The following CYP2C18 variants were observed in gnomAD, a reference collection of about 807,000 sequenced individuals.
The protein encoded by CYP2C18 is cytochrome P450 2C18.
CYP2C18 carries 38 observed loss-of-function variants against 41.3 expected under a neutral mutation model. The observed-to-expected ratio is 0.92, with a 90% CI of 0.71 to 1.21. The LOEUF is 1.21. CYP2C18 is among the 50% of genes most tolerant of loss of function. The pLI is 0.00. For missense variants in CYP2C18, 635 were observed against 591.4 expected, an observed-to-expected ratio of 1.07 and a Z score of -0.77; for synonymous variants, 236 against 210.0, an observed-to-expected ratio of 1.12 and a Z score of -1.07.
intron 5 of CYP2C18, among the ~76,000 whole-genome samples, chr10:94,714,951 G>T (rs1847513073): frequency 6.6e-6 from 1 of 152,236 alleles, no homozygotes; most frequent in South Asian, 2.1e-4. Flanking sequence ...TTGTGAATGG[G>T]AGTTCACTCA....
intron 4 of CYP2C18, among the ~76,000 whole-genome samples, chr10:94,702,323 C>T (rs541375587): frequency 2.6e-5 from 4 of 152,170 alleles, no homozygotes; most frequent in South Asian, 2.1e-4. Flanking sequence ...TATCCTGAAG[C>T]GTGTTTTCCA....
chr10:94,716,735 T>C (rs573678360), intron 5 of CYP2C18, among the ~76,000 whole-genome samples: 2 of 152,314 alleles, frequency 1.3e-5, no homozygotes, highest in African/African-American at 4.8e-5. Flanking sequence ...CTGGATATCC[T>C]TGTTAACTTT....
chr10:94,725,637 C>T (rs1847727410), intron 7 of CYP2C18, among the ~76,000 whole-genome samples: 1 of 151,868 alleles, frequency 6.6e-6, no homozygotes, highest in African/African-American at 2.4e-5. Context: ...GAGAAGGTTG[C>T]CTTCTACTTT....
intron 3 of CYP2C18, among the ~76,000 whole-genome samples, chr10:94,690,519 C>A (rs1185394517): frequency 4.6e-5 from 7 of 152,250 alleles, no homozygotes; most frequent in Non-Finnish European, 7.4e-5. Flanking sequence ...CAATAACAGT[C>A]TCTGAAATTG....
chr10:94,692,596 T>C (rs574330847), intron 3 of CYP2C18, among the ~76,000 whole-genome samples: 49 of 152,266 alleles, frequency 3.2e-4, no homozygotes, highest in Non-Finnish European at 4.6e-4. Flanking sequence ...GTTTAACCAT[T>C]GTGGAAGTCA....
At position 94,687,780 on chromosome 10, in the gene CYP2C18, T is replaced by C. The variant is rs1846916841; in HGVS notation, c.179T>C (p.Val60Ala). The change falls in exon 2 of 9, where the codon GTC becomes GCC. Residue 60 changes from valine to alanine, a missense_variant. By Grantham distance (64) the Val-to-Ala change is moderately conservative. Transcript: ENST00000285979. ...MSKSLTNFSK[V>A]YGPVFTVYFG... is the part of the protein sequence containing the mutation. ...CTTTTCTATGTTTAGTTCTCAAAAGTCTATGGCCCTGTGTTCACTGTGTAT... is the reference window on the plus strand; with the variant it reads ...CTTTTCTATGTTTAGTTCTCAAAAGCCTATGGCCCTGTGTTCACTGTGTAT... The C allele has an allele frequency of 1.2e-6, 2 of 1,612,396 alleles. No homozygotes were observed. The highest frequency in any genetic ancestry group is 1.7e-5 in the Admixed American group (1 of 59,712).
At chr10:94,696,905 T>C (rs939109972) in intron 4 of CYP2C18, among the ~76,000 whole-genome samples, 1 of 151,532 alleles carries the variant, frequency 6.6e-6, no homozygotes, top group Non-Finnish European at 1.5e-5. Context: ...ATTAATGAAA[T>C]GAAGTGAGAA....
chr10:94,697,509 C>G (rs1847140763), intron 4 of CYP2C18, among the ~76,000 whole-genome samples: 1 of 152,166 alleles, frequency 6.6e-6, no homozygotes, highest in Admixed American at 6.5e-5. Flanking sequence ...ACAAACAGTA[C>G]CAGCCACTGC....
At chr10:94,708,039 A>C (rs1374768840) in intron 5 of CYP2C18, among the ~76,000 whole-genome samples, 5 of 152,220 alleles carry the variant, frequency 3.3e-5, no homozygotes, top group African/African-American at 1.2e-4. Flanking sequence ...TCTAGAGAAT[A>C]AAATCTTTCC....
Position 94,683,829 on chromosome 10 carries a change from G to A in CYP2C18, c.10G>A (p.Ala4Thr), listed in dbSNP as rs754065546. 4 of 1,601,682 alleles carry A rather than the reference G, an allele frequency of 2.5e-6. No homozygotes were observed. Among genetic ancestry groups the A allele is most frequent in the Non-Finnish European group, 3.4e-6 (4 of 1,174,770 alleles). The change falls in exon 1 of 9, where the codon GCT (alanine) becomes ACT (threonine). Residue 4 changes from alanine (A) to threonine (T), a missense_variant. Transcript: ENST00000285979. MDP[A>T]VALVLCLSCL... is the part of the protein sequence containing the mutation. Reference sequence around the variant, plus strand: ...AGAAGAGAAGCCTTCAATGGATCCAGCTGTGGCTCTGGTGCTCTGTCTCTC... The same window carrying A: ...AGAAGAGAAGCCTTCAATGGATCCAACTGTGGCTCTGGTGCTCTGTCTCTC...
rs552369977 is a variant in CYP2C18 at position 94,693,019 on chromosome 10, G to A, written c.482-1898G>A. 3.3e-5 allele frequency among the ~76,000 whole-genome samples: 5 copies of A among 152,178 alleles called. No homozygotes were observed. In the South Asian group the frequency reaches 8.3e-4, roughly 25 times the overall value. ...CACACACCAGGGCCTGTTGTGGGGT[G>A]GGGGAAGGGGGGAGGGATAGCATTA... On this transcript the variant is annotated intron_variant, in intron 3 of 8. Coordinates refer to ENST00000285979, the MANE Select transcript of CYP2C18 (RefSeq NM_000772.3).
chr10:94,684,151 G>T (rs56194519), intron 1 of CYP2C18, among the ~76,000 whole-genome samples, 164 bp downstream of exon 1: 1,851 of 152,192 alleles, frequency 0.012, 54 homozygotes, highest in African/African-American at 0.043. Flanking sequence ...TCATATCAGG[G>T]TAATTAGCAT....
At chr10:94,734,387 C>A (rs1392356675) in intron 8 of CYP2C18, among the ~76,000 whole-genome samples, 1 of 152,052 alleles carries the variant, frequency 6.6e-6, no homozygotes, top group East Asian at 1.9e-4. Context: ...AGAACTAAGG[C>A]CTTCTTTTAA....
intron 5 of CYP2C18, among the ~76,000 whole-genome samples, chr10:94,715,984 G>A (rs1452925293): frequency 2.6e-5 from 4 of 152,156 alleles, no homozygotes; most frequent in African/African-American, 9.7e-5. Flanking sequence ...GGTGTTTATA[G>A]TATGCTCTGA....
chr10:94,734,473 A>G (rs983150690), intron 8 of CYP2C18, among the ~76,000 whole-genome samples: 8 of 152,186 alleles, frequency 5.3e-5, no homozygotes, highest in African/African-American at 1.9e-4. Flanking sequence ...CTCCAGTGGA[A>G]GCATGAATAT....
chr10:94,693,275 A>C (rs1056381708), intron 3 of CYP2C18, among the ~76,000 whole-genome samples: 6 of 152,092 alleles, frequency 3.9e-5, no homozygotes, highest in African/African-American at 1.4e-4. Context: ...TACTGTCCTC[A>C]TGATAGCAAG....
chr10:94,689,782 G>A, intron 3 of CYP2C18, among the ~76,000 whole-genome samples: 1 of 152,034 alleles, frequency 6.6e-6, no homozygotes, highest in East Asian at 1.9e-4. Flanking sequence ...TTTGGGGTTG[G>A]TTGAATCCAT....
In CYP2C18 at chr10:94,733,370, A is replaced by G. The variant is rs779399158; in HGVS notation, c.1223A>G (p.Asp408Gly). 3.1e-6 allele frequency: 5 copies of G among 1,613,424 alleles called. No homozygotes were observed. The East Asian group carries it at 8.9e-5, about 29-fold the overall frequency. ...DKEFPNPEMF[D>G]PGHFLDKSGN... is the part of the protein sequence containing the mutation. ...GAATTCCCCAACCCAGAGATGTTTGACCCTGGCCACTTTCTGGATAAGAGT... is the reference window on the plus strand; with the variant it reads ...GAATTCCCCAACCCAGAGATGTTTGGCCCTGGCCACTTTCTGGATAAGAGT... Residue 408 changes from aspartate to glycine, a missense_variant, in exon 8 of 9, where the codon GAC (aspartate) becomes GGC (glycine). Coordinates refer to ENST00000285979, the MANE Select transcript of CYP2C18 (RefSeq NM_000772.3).
At chr10:94,717,594 G>T (rs1847574924) in intron 5 of CYP2C18, among the ~76,000 whole-genome samples, 1 of 152,058 alleles carries the variant, frequency 6.6e-6, no homozygotes, top group Non-Finnish European at 1.5e-5. Flanking sequence ...ACAGTATCTG[G>T]TGTTATGTTT....
Sources: gnomAD v4.1 joint callset for allele counts (sites outside exome capture counted in the v4.1 genomes callset) on GRCh38, gnomAD v4.1.1 for gene constraint, MANE v1.5 for transcripts, NCBI Gene and HGNC (gene_info 2026-07-23, HGNC 2026-07-21) for gene names.